SLC15A2: variants seen among roughly 807,000 people sequenced by gnomAD.
The protein encoded by SLC15A2 is kidney H(+)/peptide cotransporter.
A neutral mutation model predicts 95.5 loss-of-function variants in SLC15A2; 77 were observed. The ratio of observed to expected loss-of-function variants is 0.81; its 90% confidence interval spans 0.67 to 0.97. The LOEUF (loss-of-function observed/expected upper bound fraction) is 0.97, where lower values mean the gene tolerates loss of function less well. SLC15A2 is among the 50% of genes least tolerant of loss of function. The pLI is 0.00. For missense variants in SLC15A2, 893 were observed against 874.4 expected, an observed-to-expected ratio of 1.02 and a Z score of -0.27; for synonymous variants, 306 against 306.9, an observed-to-expected ratio of 1.00 and a Z score of 0.03.
intron 3 of SLC15A2, among the ~76,000 whole-genome samples, chr3:121,910,520 C>T (rs1709744480): frequency 6.6e-6 from 1 of 152,090 alleles, no homozygotes. Context: ...CCGCTACCCG[C>T]CATACACTTT....
chr3:121,938,000 G>A (rs1439050792), intron 19 of SLC15A2, among the ~76,000 whole-genome samples: 3 of 151,648 alleles, frequency 2.0e-5, no homozygotes, highest in African/African-American at 7.3e-5. Context: ...ACCCTCAGCT[G>A]CAGGTCTGTT....
intron 3 of SLC15A2, among the ~76,000 whole-genome samples, chr3:121,904,970 G>A (rs1228584006): frequency 7.9e-5 from 12 of 152,122 alleles, no homozygotes; most frequent in East Asian, 1.9e-4. Flanking sequence ...CTGTGAATCC[G>A]TCTGGTCCTG....
At chr3:121,899,017 G>A (rs780413146) in intron 3 of SLC15A2, among the ~76,000 whole-genome samples, 8 of 152,118 alleles carry the variant, frequency 5.3e-5, no homozygotes, top group Non-Finnish European at 1.0e-4. Flanking sequence ...CTAGATAGGA[G>A]ATTGGCACTA....
At chr3:121,931,597 A>G (rs371793039) in intron 18 of SLC15A2, 42 bp from the exon 19 acceptor site, 32 of 1,342,164 alleles carry the variant, frequency 2.4e-5, no homozygotes, top group Non-Finnish European at 3.3e-5. Context: ...ATGCTTTTCC[A>G]AGCCTTGATA....
chr3:121,920,940 A>T (rs934942353), intron 7 of SLC15A2, among the ~76,000 whole-genome samples: 2 of 152,262 alleles, frequency 1.3e-5, no homozygotes, highest in African/African-American at 4.8e-5. Flanking sequence ...AGGAAAGTGC[A>T]TCTGGGAGGG....
intron 7 of SLC15A2, among the ~76,000 whole-genome samples, chr3:121,919,611 G>A (rs1209262801): frequency 6.6e-6 from 1 of 152,156 alleles, no homozygotes; most frequent in Non-Finnish European, 1.5e-5. Flanking sequence ...TCTCACTCAG[G>A]TCATGGACTC....
At position 121,931,855 on chromosome 3, in the gene SLC15A2, A is replaced by G. The variant is rs979502780; in HGVS notation, c.1761+120A>G. The G allele has an allele frequency of 2.6e-5, 16 of 617,674 alleles. No individual in the cohort carries two copies. In the Admixed American group the frequency reaches 4.5e-4, roughly 17 times the overall value. The allele number at this position is 617,674 out of a possible 1,614,324, so 38.3% of individuals were successfully genotyped here. On this transcript the variant is annotated intron_variant, in intron 19 of 21. Coordinates refer to ENST00000489711, the MANE Select transcript of SLC15A2 (RefSeq NM_021082.4). Reference sequence around the variant, plus strand: ...TGTGGCAAAGCAGACACGTATATTTATTTCTAGCATAAGATGACAGGTTCT... The same window carrying G: ...TGTGGCAAAGCAGACACGTATATTTGTTTCTAGCATAAGATGACAGGTTCT...
At chr3:121,927,330 G>A (rs1710141152) in intron 13 of SLC15A2, among the ~76,000 whole-genome samples, 1 of 152,224 alleles carries the variant, frequency 6.6e-6, no homozygotes, top group African/African-American at 2.4e-5. Flanking sequence ...GGGGCCTGGT[G>A]GGACATGACT....
rs1214857219 is a variant in SLC15A2, at chr3:121,923,271, G to C, written c.1002+5G>C. 6.2e-7 allele frequency: 1 copy of C among 1,613,402 alleles called. No homozygotes were observed. The highest frequency in any genetic ancestry group is 1.1e-5 in the South Asian group (1 of 90,932). ...ATCAGGATGAATAGGAATTTGGTGA[G>C]TAGAAGAGATTTTCCAGAGAAGTCT... On this transcript the variant is annotated splice_donor_5th_base_variant and intron_variant, in intron 11 of 21. Transcript: ENST00000489711.
chr3:121,897,379 C>G lies in SLC15A2; in HGVS notation c.194-9C>G, dbSNP rs1709437877. ...GTCTCCCCACGCCTCCTTTTTTTTC[C>G]CACTACAGCTGTGCTGATCCTGTAT... On this transcript the variant is annotated splice_polypyrimidine_tract_variant and intron_variant, in intron 2 of 21. Transcript: ENST00000489711. The G allele has an allele frequency of 1.2e-6, 2 of 1,605,588 alleles. No individual in the cohort carries two copies. Among genetic ancestry groups the G allele is most frequent in the East Asian group, 4.5e-5 (2 of 44,756 alleles).
At chr3:121,894,738 C>T (rs1709386594) in intron 1 of SLC15A2, among the ~76,000 whole-genome samples, 157 bp downstream of exon 1, 1 of 152,184 alleles carries the variant, frequency 6.6e-6, no homozygotes, top group Admixed American at 6.5e-5. Context: ...TAAACAGAAG[C>T]TTCCTTTACA....
chr3:121,924,665 G>A (rs193238784), intron 12 of SLC15A2, among the ~76,000 whole-genome samples: 57 of 152,274 alleles, frequency 3.7e-4, no homozygotes, highest in Middle Eastern at 6.8e-3. Flanking sequence ...CTTATTTTGT[G>A]AGCAATGAAG....
intron 7 of SLC15A2, among the ~76,000 whole-genome samples, chr3:121,919,211 G>A (rs916019596): frequency 6.6e-6 from 1 of 152,162 alleles, no homozygotes; most frequent in Non-Finnish European, 1.5e-5. Context: ...TCTAGCGAGC[G>A]GGAGCGTGTT....
chr3:121,933,844 A>G (rs1710282926), intron 19 of SLC15A2, among the ~76,000 whole-genome samples: 1 of 147,004 alleles, frequency 6.8e-6, no homozygotes, highest in Non-Finnish European at 1.5e-5. Context: ...GCCCATGCCT[A>G]TGTCCTGAAT....
rs1237610707 is a variant in SLC15A2 at position 121,939,371 on chromosome 3, C to G, written c.1784C>G (p.Ala595Gly). The G allele has an allele frequency of 6.4e-7, 1 of 1,562,330 alleles. No homozygotes were observed. Among genetic ancestry groups the G allele is most frequent in the African/African-American group, 1.4e-5 (1 of 72,374 alleles). ...AAGAACACCAATCAGGGTCTTCAGG[C>G]CTGGAAGATTGAAGACATTCCAGCC... ...ITNNTNQGLQ[A>G]WKIEDIPANK... The change falls in exon 20 of 22, where the codon GCC becomes GGC. Residue 595 changes from alanine (A) to glycine (G), a missense_variant. Physicochemically the swap from Ala to Gly is moderately conservative, Grantham distance 60. Coordinates refer to ENST00000489711, the MANE Select transcript of SLC15A2 (RefSeq NM_021082.4).
chr3:121,927,865 A>C, intron 14 of SLC15A2, 26 bp downstream of exon 14: 1 of 1,527,138 alleles, frequency 6.5e-7, no homozygotes, highest in Non-Finnish European at 9.1e-7. Flanking sequence ...CTTAAGCTCT[A>C]TGAGGGCAGG....
chr3:121,897,020 C>G (rs1391466560), intron 2 of SLC15A2, among the ~76,000 whole-genome samples: 1 of 148,976 alleles, frequency 6.7e-6, no homozygotes, highest in Non-Finnish European at 1.5e-5. Flanking sequence ...ACCTGAGGAA[C>G]AGGTATGAAG....
Position 121,913,103 on chromosome 3 carries a change from C to T in SLC15A2, c.511C>T (p.Gln171Ter). 6.2e-7 allele frequency: 1 copy of T among 1,613,122 alleles called. No homozygotes were observed. Among genetic ancestry groups the T allele is most frequent in the Non-Finnish European group, 8.5e-7 (1 of 1,179,292 alleles). Residue 171 changes from glutamine (Q) to a stop codon, truncating the protein, a stop_gained, in exon 5 of 22, where the codon CAG becomes TAG. Transcript: ENST00000489711. LOFTEE classifies it high-confidence loss of function. ...KPCVAAFGGD[Q>*]FEEKHAEERT... is the part of the protein sequence containing the mutation. Reference sequence around the variant, plus strand: ...CTGTGTGGCAGCTTTTGGTGGAGACCAGTTTGAAGAAAAACATGTAAGAAT... The same window carrying T: ...CTGTGTGGCAGCTTTTGGTGGAGACTAGTTTGAAGAAAAACATGTAAGAAT...
At chr3:121,938,126 A>T (rs1710385898) in intron 19 of SLC15A2, among the ~76,000 whole-genome samples, 1 of 151,722 alleles carries the variant, frequency 6.6e-6, no homozygotes, top group East Asian at 1.9e-4. Context: ...GCCCGTTCTC[A>T]GATCTCCAGC....
Sources: allele counts gnomAD v4.1 joint callset (sites outside exome capture counted in the v4.1 genomes callset), GRCh38; gene constraint gnomAD v4.1.1; transcripts MANE v1.5; gene names NCBI Gene and HGNC (gene_info 2026-07-23, HGNC 2026-07-21).